FBXL7: variants seen among roughly 807,000 people sequenced by gnomAD.
The protein encoded by FBXL7 is F-box and leucine rich repeat protein 7.
Under a neutral mutation model 38.3 loss-of-function variants are expected in FBXL7, and 12 were observed. The ratio of observed to expected loss-of-function variants is 0.31; its 90% CI spans 0.20 to 0.51. The LOEUF (loss-of-function observed/expected upper bound fraction) is 0.51. FBXL7 is among the 20% of genes least tolerant of loss of function. FBXL7 has a pLI of 0.98. For missense variants in FBXL7, 567 were observed against 676.4 expected (o/e 0.84, Z 1.79); for synonymous variants, 297 against 300.9 (o/e 0.99, Z 0.13).
At chr5:15,727,417 CT>C (rs1301822195) in intron 2 of FBXL7, among the ~76,000 whole-genome samples, 1 of 152,122 alleles carries the variant, frequency 6.6e-6, no homozygotes, top group African/African-American at 2.4e-5. Context: ...CTCAGCTTTG[CT>C]TTTTGGGGGA....
intron 2 of FBXL7, among the ~76,000 whole-genome samples, chr5:15,906,407 G>C (rs1051394194): frequency 1.4e-5 from 2 of 147,254 alleles, no homozygotes; most frequent in Admixed American, 6.8e-5. Flanking sequence ...CCATTCTATA[G>C]AGCTATTTTA....
At chr5:15,524,092 A>G (rs2126379347) in intron 1 of FBXL7, among the ~76,000 whole-genome samples, 1 of 152,346 alleles carries the variant, frequency 6.6e-6, no homozygotes, top group South Asian at 2.1e-4. Context: ...AAATAAGGAC[A>G]TAAAATGCCA....
At chr5:15,809,789 A>G (rs186893081) in intron 2 of FBXL7, among the ~76,000 whole-genome samples, 2 of 152,332 alleles carry the variant, frequency 1.3e-5, no homozygotes, top group Admixed American at 1.3e-4. Context: ...AGATGAGAAA[A>G]GACAACTTGA....
rs757892877 is a variant in FBXL7, at chr5:15,500,726, C to T, written c.37+13C>T. Reference sequence around the variant, plus strand: ...TACGGCAGTGAGGGTGAGTGGGCCGCCCGTCCTCAGACTCCCGGATCGCGT... The same window carrying T: ...TACGGCAGTGAGGGTGAGTGGGCCGTCCGTCCTCAGACTCCCGGATCGCGT... On this transcript the variant is annotated intron_variant, in intron 1 of 3. Transcript: ENST00000504595. The T allele has an allele frequency of 6.2e-7, 1 of 1,604,136 alleles. No individual in the cohort carries two copies. The highest frequency in any genetic ancestry group is 8.5e-7 in the Non-Finnish European group (1 of 1,174,906).
At chr5:15,816,868 C>A (rs192255543) in intron 2 of FBXL7, among the ~76,000 whole-genome samples, 258 of 152,220 alleles carry the variant, frequency 1.7e-3, no homozygotes, top group Non-Finnish European at 3.1e-3. Context: ...AGAATTTTGT[C>A]AGAAAATAAA....
intron 2 of FBXL7, among the ~76,000 whole-genome samples, chr5:15,751,343 C>T (rs1021304877): frequency 2.0e-5 from 3 of 152,092 alleles, no homozygotes; most frequent in Admixed American, 6.5e-5. Context: ...AAGGATATGA[C>T]GTGGTGGATA....
At chr5:15,924,488 T>G (rs1173824414) in intron 2 of FBXL7, among the ~76,000 whole-genome samples, 1 of 152,098 alleles carries the variant, frequency 6.6e-6, no homozygotes, top group African/African-American at 2.4e-5. Flanking sequence ...ACCCCCAAAC[T>G]CAGTGTTTAA....
intron 2 of FBXL7, among the ~76,000 whole-genome samples, chr5:15,916,843 G>T (rs1741596625): frequency 6.6e-6 from 1 of 152,174 alleles, no homozygotes; most frequent in Non-Finnish European, 1.5e-5. Context: ...TATAAAGATG[G>T]GAGTATTCCA....
At chr5:15,668,504 T>A (rs1292514943) in intron 2 of FBXL7, among the ~76,000 whole-genome samples, 3 of 152,054 alleles carry the variant, frequency 2.0e-5, no homozygotes, top group Non-Finnish European at 4.4e-5. Flanking sequence ...AATAAGTGGA[T>A]GCTGTGCATG....
At chr5:15,722,037 A>G (rs1744209201) in intron 2 of FBXL7, among the ~76,000 whole-genome samples, 1 of 151,868 alleles carries the variant, frequency 6.6e-6, no homozygotes, top group Non-Finnish European at 1.5e-5. Flanking sequence ...GTTTCATCAT[A>G]TTGGCCAGGC....
Position 15,734,307 on chromosome 5 carries a change from C to T in FBXL7, c.127+118235C>T, listed in dbSNP as rs536363171. Reference sequence around the variant, plus strand: ...CTTCTGATGCTGTACGCCGTCTCTTCTCTATGGGACCTCAGTGAGGCACAT... The same window carrying T: ...CTTCTGATGCTGTACGCCGTCTCTTTTCTATGGGACCTCAGTGAGGCACAT... On this transcript the variant is annotated intron_variant, in intron 2 of 3. Coordinates refer to ENST00000504595, the MANE Select transcript of FBXL7 (RefSeq NM_012304.5). Among the ~76,000 whole-genome samples the T allele has an allele frequency of 4.3e-4, 66 of 152,342 alleles. 1 individual carries two copies. Among genetic ancestry groups the T allele is most frequent in the African/African-American group, 1.5e-3 (64 of 41,588 alleles).
chr5:15,571,454 G>A (rs1580377916), intron 1 of FBXL7, among the ~76,000 whole-genome samples: 1 of 152,142 alleles, frequency 6.6e-6, no homozygotes, highest in African/African-American at 2.4e-5. Context: ...AGATAGTCAG[G>A]TGGAAATAGG....
At chr5:15,573,175 A>T (rs991233728) in intron 1 of FBXL7, among the ~76,000 whole-genome samples, 37 of 152,216 alleles carry the variant, frequency 2.4e-4, no homozygotes, top group African/African-American at 8.4e-4. Flanking sequence ...AAAGGGAGAC[A>T]GTACAAATGT....
At chr5:15,838,879 G>T (rs1269387144) in intron 2 of FBXL7, among the ~76,000 whole-genome samples, 1 of 151,966 alleles carries the variant, frequency 6.6e-6, no homozygotes, top group Admixed American at 6.6e-5. Flanking sequence ...CTTTAAAGTT[G>T]TTATCTTTAC....
chr5:15,848,180 G>T (rs565761718), intron 2 of FBXL7, among the ~76,000 whole-genome samples: 13 of 152,074 alleles, frequency 8.5e-5, no homozygotes, highest in Non-Finnish European at 1.3e-4. Context: ...GTACATTGTT[G>T]TATGTACAAT....
chr5:15,512,511 T>C (rs1287027740), intron 1 of FBXL7, among the ~76,000 whole-genome samples: 1 of 152,212 alleles, frequency 6.6e-6, no homozygotes, highest in Non-Finnish European at 1.5e-5. Flanking sequence ...AATAGCCGTG[T>C]CATATTTTCT....
At chr5:15,709,300 G>C (rs1305428633) in intron 2 of FBXL7, among the ~76,000 whole-genome samples, 2 of 152,112 alleles carry the variant, frequency 1.3e-5, no homozygotes, top group African/African-American at 4.8e-5. Context: ...TTGGGAGGCA[G>C]AGGCAGTTGG....
chr5:15,689,429 A>G (rs1173239707), intron 2 of FBXL7, among the ~76,000 whole-genome samples: 3 of 152,124 alleles, frequency 2.0e-5, no homozygotes, highest in Non-Finnish European at 4.4e-5. Context: ...TTCATTAAGC[A>G]TCTAAAACCA....
At chr5:15,750,320 A>T (rs1736123545) in intron 2 of FBXL7, among the ~76,000 whole-genome samples, 1 of 152,220 alleles carries the variant, frequency 6.6e-6, no homozygotes, top group African/African-American at 2.4e-5. Context: ...GACCTGGTTT[A>T]AATAGTACCA....
Sources: allele counts gnomAD v4.1 joint callset (sites outside exome capture counted in the v4.1 genomes callset), GRCh38; gene constraint gnomAD v4.1.1; transcripts MANE v1.5; gene names NCBI Gene and HGNC (gene_info 2026-07-23, HGNC 2026-07-21).